Variants in MYOCD observed in about 807,000 individuals in gnomAD.
MYOCD encodes myocardin.
In MYOCD, 32 loss-of-function variants were observed where a neutral mutation model predicts 96.1. That is an observed-to-expected ratio of 0.33 (90% CI 0.25 to 0.45). MYOCD has a LOEUF of 0.45. Ranked by LOEUF, MYOCD falls within the 20% of genes least tolerant of loss-of-function variation. The pLI is 1.00. For synonymous variants in MYOCD, 469 were observed against 469.0 expected (o/e 1.00, Z 0.00); for missense variants, 1,133 against 1,200.6 (o/e 0.94, Z 0.83).
In MYOCD at chr17:12,722,911, T is replaced by A. The variant is rs369590573; in HGVS notation, c.318T>A (p.Asp106Glu). ...QMKLKRARLA[D>E]DLNEKIALRP... ...AGCTGAAAAGAGCCCGACTCGCCGA[T>A]GATCTCAATGAAAAAATTGCTCTAC... The change falls in exon 5 of 14, where the codon GAT becomes GAA. Residue 106 changes from aspartate (D) to glutamate (E), a missense_variant. Transcript: ENST00000425538. 31 of 1,613,940 alleles carry A rather than the reference T, an allele frequency of 1.9e-5. No individual in the cohort carries two copies. The highest frequency in any genetic ancestry group is 2.6e-5 in the Non-Finnish European group (31 of 1,179,954).
At chr17:12,740,400 T>C (rs2150707576) in intron 7 of MYOCD, among the ~76,000 whole-genome samples, 1 of 152,348 alleles carries the variant, frequency 6.6e-6, no homozygotes, top group Non-Finnish European at 1.5e-5. Flanking sequence ...TAGTTCCCAC[T>C]TATAAGTGAG....
At chr17:12,744,080 C>A in intron 7 of MYOCD, 103 bp from the exon 8 acceptor site, 1 of 1,371,782 alleles carries the variant, frequency 7.3e-7, no homozygotes, top group Non-Finnish European at 1.0e-6. Flanking sequence ...TTCTGAGATC[C>A]AAGAATGGCC....
intron 12 of MYOCD, 70 bp from the exon 13 acceptor site, chr17:12,760,580 C>A: frequency 7.6e-7 from 1 of 1,307,724 alleles, no homozygotes; most frequent in Non-Finnish European, 1.1e-6. Context: ...TGCAGTGCTG[C>A]TTCTAATGAT....
In MYOCD at chr17:12,763,505, T is replaced by C. The variant is rs1478617478; in HGVS notation, c.2822T>C (p.Leu941Pro). The C allele has an allele frequency of 6.2e-7, 1 of 1,614,188 alleles. No individual in the cohort carries two copies. Among genetic ancestry groups the C allele is most frequent in the Non-Finnish European group, 8.5e-7 (1 of 1,180,036 alleles). Residue 941 changes from leucine to proline, a missense_variant, in exon 14 of 14, where the codon CTG becomes CCG. Transcript: ENST00000425538. ...TCTCCCTGGGAAACCATGGAGTGGC[T>C]GGACCTCACTCCGCCAAATTCCACA... Reference protein sequence around the residue: ...TESPWETMEWLDLTPPNSTPG... With the variant: ...TESPWETMEWPDLTPPNSTPG...
At chr17:12,691,591 G>A (rs1001480381) in intron 1 of MYOCD, among the ~76,000 whole-genome samples, 1 of 152,138 alleles carries the variant, frequency 6.6e-6, no homozygotes, top group East Asian at 1.9e-4. Context: ...TAGGGGGCAG[G>A]TAGCATGAAA....
chr17:12,757,132 G>T (rs1476933362), intron 11 of MYOCD, among the ~76,000 whole-genome samples: 1 of 152,184 alleles, frequency 6.6e-6, no homozygotes, highest in Non-Finnish European at 1.5e-5. Flanking sequence ...GGAGAGATGT[G>T]CAAAGCAGGG....
chr17:12,744,542 C>T (rs2032607870), intron 8 of MYOCD, 106 bp downstream of exon 8: 1 of 1,392,758 alleles, frequency 7.2e-7, no homozygotes, highest in African/African-American at 1.4e-5. Flanking sequence ...CTGTATTGCA[C>T]CATTTCCTCA....
chr17:12,754,061 GGTGTGTGTGTGTGTATGTGTGT>G (rs1198409726), intron 10 of MYOCD, among the ~76,000 whole-genome samples: 2 of 149,478 alleles, frequency 1.3e-5, no homozygotes, highest in African/African-American at 5.0e-5. Flanking sequence ...AAAGCAAAGA[GGTGTGTGTGTGTGTATGTGTGT>G]GTGTGTGTGT....
At chr17:12,734,191 T>C (rs1252825227) in intron 5 of MYOCD, among the ~76,000 whole-genome samples, 1 of 151,532 alleles carries the variant, frequency 6.6e-6, no homozygotes, top group Non-Finnish European at 1.5e-5. Flanking sequence ...AGAGGAGGAG[T>C]CTTTGTCATG....
chr17:12,755,607 T>C (rs976441234), intron 10 of MYOCD, among the ~76,000 whole-genome samples: 8 of 151,948 alleles, frequency 5.3e-5, no homozygotes, highest in African/African-American at 1.5e-4. Context: ...CCAGGCGCGA[T>C]GGTTCATGCC....
At position 12,763,418 on chromosome 17, in the gene MYOCD, T is replaced by C. The variant is rs751221268; in HGVS notation, c.2735T>C (p.Met912Thr). Residue 912 changes from methionine to threonine, a missense_variant, in exon 14 of 14, where the codon ATG (methionine) becomes ACG (threonine). By Grantham distance (81) the Met-to-Thr change is moderately conservative. Transcript: ENST00000425538. Reference sequence around the variant, plus strand: ...ATCTTGCCAGGCCCCCTCTCTCCAATGCAGACACAGTTTTCACCCTCTTCT... The same window carrying C: ...ATCTTGCCAGGCCCCCTCTCTCCAACGCAGACACAGTTTTCACCCTCTTCT... Reference protein sequence around the residue: ...HEILPGPLSPMQTQFSPSSVD... With the variant: ...HEILPGPLSPTQTQFSPSSVD... 6 of 1,611,504 alleles carry C rather than the reference T, an allele frequency of 3.7e-6. No homozygotes were observed. Among genetic ancestry groups the C allele is most frequent in the Non-Finnish European group, 5.1e-6 (6 of 1,178,442 alleles).
chr17:12,745,648 C>T (rs1177069880), intron 8 of MYOCD, among the ~76,000 whole-genome samples: 3 of 152,182 alleles, frequency 2.0e-5, no homozygotes, highest in East Asian at 1.9e-4. Context: ...TTGGCCTCCC[C>T]AGGACAGAGC....
chr17:12,666,302 C>T, intron 1 of MYOCD, 59 bp downstream of exon 1: 1 of 1,209,810 alleles, frequency 8.3e-7, no homozygotes, highest in East Asian at 2.3e-5. Context: ...ATTCTCAACT[C>T]TAGAACTGCT....
intron 11 of MYOCD, among the ~76,000 whole-genome samples, chr17:12,757,275 CAAGAT>C (rs1185570504): frequency 1.3e-5 from 2 of 152,096 alleles, no homozygotes; most frequent in Non-Finnish European, 2.9e-5. Context: ...AGGAGACAAA[CAAGAT>C]AAGCCTGACA....
At chr17:12,713,349 A>G (rs1351139184) in intron 2 of MYOCD, among the ~76,000 whole-genome samples, 1 of 152,196 alleles carries the variant, frequency 6.6e-6, no homozygotes, top group Non-Finnish European at 1.5e-5. Flanking sequence ...AAGCTTTGCT[A>G]ATAAGAATTG....
At chr17:12,755,571 T>C (rs2032988193) in intron 10 of MYOCD, among the ~76,000 whole-genome samples, 1 of 152,096 alleles carries the variant, frequency 6.6e-6, no homozygotes, top group East Asian at 1.9e-4. Context: ...TGAAACCCCA[T>C]TTCTACTAAA....
chr17:12,689,837 T>C (rs915341094), intron 1 of MYOCD, among the ~76,000 whole-genome samples: 23 of 152,068 alleles, frequency 1.5e-4, no homozygotes, highest in Admixed American at 1.2e-3. Context: ...TCTCAAAAAG[T>C]TTTTTTGAAA....
intron 10 of MYOCD, among the ~76,000 whole-genome samples, chr17:12,755,406 C>A (rs1343454138): frequency 6.6e-6 from 1 of 151,926 alleles, no homozygotes; most frequent in Non-Finnish European, 1.5e-5. Context: ...GTCAAGAGTT[C>A]GAGACCAGCC....
rs368297280 is a variant in MYOCD at position 12,753,077 on chromosome 17, C to A, written c.1789C>A (p.His597Asn). 6 of 1,614,104 alleles carry A rather than the reference C, an allele frequency of 3.7e-6. No homozygotes were observed. Among genetic ancestry groups the A allele is most frequent in the Non-Finnish European group, 5.1e-6 (6 of 1,180,054 alleles). ...AAGACAAAGCAGCAGCTCAGAGTGT[C>A]ACCCACCGGCTTGTGAAGCTGCTCA... ...VKRQSSSSEC[H>N]PPACEAAQLQ... The change falls in exon 10 of 14, where the codon CAC becomes AAC. Residue 597 changes from histidine to asparagine, a missense_variant. Coordinates refer to ENST00000425538, the MANE Select transcript of MYOCD (RefSeq NM_001146312.3).
Sources: allele counts gnomAD v4.1 joint callset (sites outside exome capture counted in the v4.1 genomes callset), GRCh38; gene constraint gnomAD v4.1.1; transcripts MANE v1.5; gene names NCBI Gene and HGNC (gene_info 2026-07-23, HGNC 2026-07-21).